ACVR1B: variants seen among roughly 807,000 people sequenced by gnomAD.
ACVR1B encodes activin receptor type-1B.
Under a neutral mutation model 55.6 loss-of-function variants are expected in ACVR1B, and 15 were observed. The ratio of observed to expected loss-of-function variants is 0.27; its 90% CI spans 0.18 to 0.42. The LOEUF (loss-of-function observed/expected upper bound fraction) is 0.42. ACVR1B is among the 10% of genes least tolerant of loss of function. The pLI, the probability that ACVR1B is intolerant of heterozygous loss-of-function variation, is 1.00. For missense variants in ACVR1B, 359 were observed against 670.1 expected, an observed-to-expected ratio of 0.54 and a Z score of 5.13; for synonymous variants, 247 against 254.6, an observed-to-expected ratio of 0.97 and a Z score of 0.28.
intron 1 of ACVR1B, among the ~76,000 whole-genome samples, chr12:51,961,673 C>T (rs1941530294): frequency 1.3e-5 from 2 of 152,214 alleles, no homozygotes; most frequent in South Asian, 4.1e-4. Context: ...CTCCATTCGT[C>T]CATACTATAA....
chr12:51,973,386 A>G (rs1941784432), intron 1 of ACVR1B, among the ~76,000 whole-genome samples: 1 of 152,208 alleles, frequency 6.6e-6, no homozygotes, highest in South Asian at 2.1e-4. Flanking sequence ...TTCCATAGAG[A>G]ACCCCTTTTA....
At chr12:51,982,604 C>T in intron 4 of ACVR1B, 1 of 1,386,958 alleles carries the variant, frequency 7.2e-7, no homozygotes, top group Non-Finnish European at 9.4e-7. Context: ...ATGACTTGCT[C>T]CTGTGGCATG....
chr12:51,992,134 A>G (rs1942204559), intron 8 of ACVR1B, 141 bp downstream of exon 8: 1 of 1,122,976 alleles, frequency 8.9e-7, no homozygotes, highest in African/African-American at 1.6e-5. Context: ...TATTTTACAT[A>G]TCCCAAGCCC....
chr12:51,974,935 C>T (rs192171869), intron 1 of ACVR1B, among the ~76,000 whole-genome samples: 2 of 152,282 alleles, frequency 1.3e-5, no homozygotes, highest in East Asian at 3.9e-4. Flanking sequence ...CTAGGTGGCT[C>T]TGCATGAAGT....
At chr12:51,971,862 A>G (rs1239724143) in intron 1 of ACVR1B, among the ~76,000 whole-genome samples, 14 of 152,202 alleles carry the variant, frequency 9.2e-5, no homozygotes, top group Admixed American at 7.2e-4. Context: ...ATATAGTTCA[A>G]TCCCTTCTTT....
At chr12:51,961,902 G>T (rs1303809850) in intron 1 of ACVR1B, among the ~76,000 whole-genome samples, 1 of 152,154 alleles carries the variant, frequency 6.6e-6, no homozygotes, top group Non-Finnish European at 1.5e-5. Context: ...TCATAATGAG[G>T]CCCACTCATT....
intron 3 of ACVR1B, among the ~76,000 whole-genome samples, chr12:51,978,886 T>C (rs529955088): frequency 5.4e-5 from 8 of 147,014 alleles, no homozygotes; most frequent in African/African-American, 2.0e-4. Flanking sequence ...ACAGGAATTG[T>C]TGGGAAGAGT....
At chr12:51,955,936 CTG>C (rs1166569473) in intron 1 of ACVR1B, among the ~76,000 whole-genome samples, 1 of 152,238 alleles carries the variant, frequency 6.6e-6, no homozygotes, top group Non-Finnish European at 1.5e-5. Context: ...CTCTGAGTTT[CTG>C]TTCTCAGTTT....
At chr12:51,993,073 T>G (rs74093026) in intron 8 of ACVR1B, among the ~76,000 whole-genome samples, 57 of 152,366 alleles carry the variant, frequency 3.7e-4, no homozygotes, top group African/African-American at 1.3e-3. Flanking sequence ...CATGTATGTA[T>G]TGTGACATGA....
In ACVR1B at chr12:51,976,418, C is replaced by T. The variant is rs1392896549; in HGVS notation, c.423C>T (p.Ile141=). 2 of 1,614,062 alleles carry T rather than the reference C, an allele frequency of 1.2e-6. No homozygotes were observed. The highest frequency in any genetic ancestry group is 1.7e-6 in the Non-Finnish European group (2 of 1,180,034). ...IAGPVFLLFL[I]IIIVFLVINY... Reference sequence around the variant, plus strand: ...GCCCGGTGTTCCTCCTGTTCCTCATCATCATCATTGTTTTCCTTGTCATTA... The same window carrying T: ...GCCCGGTGTTCCTCCTGTTCCTCATTATCATCATTGTTTTCCTTGTCATTA... The change falls in exon 3 of 9, where the codon ATC becomes ATT. Residue 141 remains isoleucine, a synonymous_variant. Transcript: ENST00000257963.
intron 7 of ACVR1B, among the ~76,000 whole-genome samples, chr12:51,989,145 A>G (rs1355176445): frequency 1.3e-5 from 2 of 151,938 alleles, no homozygotes; most frequent in African/African-American, 2.4e-5. Flanking sequence ...AATCTCAGCT[A>G]CTCAGGAGGT....
chr12:51,953,799 G>A (rs2120407013), intron 1 of ACVR1B, among the ~76,000 whole-genome samples: 1 of 152,262 alleles, frequency 6.6e-6, no homozygotes, highest in South Asian at 2.1e-4. Context: ...TAATCCAAGT[G>A]GTTCTGAATG....
chr12:51,970,807 A>G (rs984923927), intron 1 of ACVR1B, among the ~76,000 whole-genome samples: 1 of 152,216 alleles, frequency 6.6e-6, no homozygotes, highest in African/African-American at 2.4e-5. Context: ...AGCGTACCTA[A>G]ACAGGACAGT....
Position 51,986,878 on chromosome 12 carries a change from A to G in ACVR1B, c.1197A>G (p.Lys399=). Residue 399 remains lysine, a synonymous_variant, in exon 7 of 9, where the codon AAA becomes AAG. Transcript: ENST00000257963. The stretch of plus-strand genomic sequence containing the variant: ...ATATGAAACACTTTGACTCCTTTAA[A>G]TGTGCTGATATTTATGCCCTCGGGC... ...TINMKHFDSF[K]CADIYALGLV... 1 of 1,614,192 alleles carries G rather than the reference A, an allele frequency of 6.2e-7. No individual in the cohort carries two copies. Among genetic ancestry groups the G allele is most frequent in the Admixed American group, 1.7e-5 (1 of 60,024 alleles).
intron 7 of ACVR1B, among the ~76,000 whole-genome samples, chr12:51,989,154 G>T (rs974389888): frequency 6.6e-6 from 1 of 152,052 alleles, no homozygotes; most frequent in Non-Finnish European, 1.5e-5. Flanking sequence ...TACTCAGGAG[G>T]TTGAGGTAGG....
At chr12:51,956,044 C>T (rs1457428437) in intron 1 of ACVR1B, among the ~76,000 whole-genome samples, 3 of 152,174 alleles carry the variant, frequency 2.0e-5, no homozygotes, top group Non-Finnish European at 4.4e-5. Flanking sequence ...AAATGGTGTG[C>T]TAAGCAAAAA....
intron 1 of ACVR1B, among the ~76,000 whole-genome samples, chr12:51,965,499 A>G (rs986276236): frequency 2.0e-5 from 3 of 152,210 alleles, no homozygotes; most frequent in African/African-American, 7.2e-5. Context: ...TATTTGATTC[A>G]ATGTCAGCAG....
At chr12:51,974,807 G>A (rs1357570985) in intron 1 of ACVR1B, among the ~76,000 whole-genome samples, 1 of 152,164 alleles carries the variant, frequency 6.6e-6, no homozygotes, top group Non-Finnish European at 1.5e-5. Context: ...TATGTAAGAA[G>A]TAGGCAGGAA....
chr12:51,965,119 C>T (rs532444237), intron 1 of ACVR1B, among the ~76,000 whole-genome samples: 30 of 152,204 alleles, frequency 2.0e-4, no homozygotes, highest in Middle Eastern at 3.4e-3. Flanking sequence ...AAGTTCGGTT[C>T]TCAGTTTTTC....
Sources: gnomAD v4.1 joint callset for allele counts (sites outside exome capture counted in the v4.1 genomes callset) on GRCh38, gnomAD v4.1.1 for gene constraint, MANE v1.5 for transcripts, NCBI Gene and HGNC (gene_info 2026-07-23, HGNC 2026-07-21) for gene names.